Variants in DNER observed in about 807,000 individuals in gnomAD.
DNER encodes the protein delta and Notch-like epidermal growth factor-related receptor.
In DNER, 33 loss-of-function variants were observed where a neutral mutation model predicts 78.2. That is an observed-to-expected ratio of 0.42 (90% CI 0.32 to 0.56). The LOEUF is 0.56. Among genes scored for constraint, DNER ranks in the 20% least tolerant of loss-of-function variants. The pLI, the probability that DNER is intolerant of heterozygous loss-of-function variation, is 0.11. For synonymous variants in DNER, 417 were observed against 384.8 expected, an observed-to-expected ratio of 1.08 and a Z score of -0.98; for missense variants, 918 against 975.3, an observed-to-expected ratio of 0.94 and a Z score of 0.78.
chr2:229,630,232 T>C (rs1698410210), intron 1 of DNER, among the ~76,000 whole-genome samples: 1 of 152,044 alleles, frequency 6.6e-6, no homozygotes, highest in Non-Finnish European at 1.5e-5. Flanking sequence ...TCCCAGCACT[T>C]TGGGAGACTG....
chr2:229,641,258 G>C (rs1698618148), intron 1 of DNER, among the ~76,000 whole-genome samples: 1 of 152,128 alleles, frequency 6.6e-6, no homozygotes, highest in Non-Finnish European at 1.5e-5. Flanking sequence ...GCAGCTGAGG[G>C]GACACAGCCA....
At chr2:229,627,243 C>T (rs1410624579) in intron 1 of DNER, among the ~76,000 whole-genome samples, 1 of 152,172 alleles carries the variant, frequency 6.6e-6, no homozygotes, top group East Asian at 1.9e-4. Flanking sequence ...ACAATAAGCA[C>T]CTACAGATGC....
At chr2:229,467,123 G>C (rs80226693) in intron 7 of DNER, among the ~76,000 whole-genome samples, 4 of 152,128 alleles carry the variant, frequency 2.6e-5, no homozygotes, top group African/African-American at 7.2e-5. Context: ...GTCCTGGGTC[G>C]CAGCGGCCAA....
At chr2:229,449,432 C>T (rs1694406153) in intron 7 of DNER, among the ~76,000 whole-genome samples, 1 of 152,114 alleles carries the variant, frequency 6.6e-6, no homozygotes, top group South Asian at 2.1e-4. Context: ...TTGATTTCCT[C>T]GAGCATGACA....
At chr2:229,516,704 G>T (rs1695979269) in intron 5 of DNER, among the ~76,000 whole-genome samples, 1 of 150,172 alleles carries the variant, frequency 6.7e-6, no homozygotes, top group African/African-American at 2.5e-5. Context: ...ACGACTGCAT[G>T]ACCCCAGGAA....
intron 1 of DNER, among the ~76,000 whole-genome samples, chr2:229,600,269 T>C (rs77527469): frequency 0.031 from 4,664 of 152,310 alleles, 218 homozygotes; most frequent in African/African-American, 0.097. Flanking sequence ...GCTTTTGCAA[T>C]ACACCAGCAG....
At chr2:229,542,343 A>C (rs993323316) in intron 5 of DNER, among the ~76,000 whole-genome samples, 2 of 152,166 alleles carry the variant, frequency 1.3e-5, no homozygotes, top group African/African-American at 4.8e-5. Flanking sequence ...AACATTTATA[A>C]AGACCTTCCC....
intron 1 of DNER, 122 bp from the exon 2 acceptor site, chr2:229,592,010 A>C: frequency 8.0e-7 from 1 of 1,256,750 alleles, no homozygotes; most frequent in Non-Finnish European, 1.1e-6. Flanking sequence ...TGTGGAATAC[A>C]CTCCTTAACT....
At chr2:229,448,559 T>C (rs556140645) in intron 7 of DNER, among the ~76,000 whole-genome samples, 4 of 152,244 alleles carry the variant, frequency 2.6e-5, no homozygotes, top group Admixed American at 1.3e-4. Flanking sequence ...TATAAAATTA[T>C]GTAAGGCTGT....
rs148871889 is a variant in DNER, at chr2:229,502,845, G to A, written c.1147+9938C>T. ...AGGCAGGGCTGGTTTACCTGGTTTCGCAGCTGTGTGCTCACACTGCATATG... is the reference window on the plus strand; with the variant it reads ...AGGCAGGGCTGGTTTACCTGGTTTCACAGCTGTGTGCTCACACTGCATATG... On this transcript the variant is annotated intron_variant, in intron 6 of 12. Coordinates refer to ENST00000341772, the MANE Select transcript of DNER (RefSeq NM_139072.4). Among the ~76,000 whole-genome samples, 8 of 152,268 alleles carry A rather than the reference G, an allele frequency of 5.3e-5. No individual in the cohort carries two copies. The East Asian group carries it at 7.8e-4, about 15-fold the overall frequency.
intron 1 of DNER, among the ~76,000 whole-genome samples, chr2:229,685,472 G>A (rs1699469190): frequency 7.6e-6 from 1 of 131,630 alleles, no homozygotes; most frequent in African/African-American, 2.9e-5. Context: ...AAACTAAATG[G>A]AAAATGCATT....
chr2:229,554,582 C>T (rs1373208699), intron 4 of DNER, among the ~76,000 whole-genome samples: 1 of 152,140 alleles, frequency 6.6e-6, no homozygotes, highest in African/African-American at 2.4e-5. Context: ...ATTCCAGCTA[C>T]TTGGGAGGCA....
rs550761806 is a variant in DNER, at chr2:229,393,020, T to C, written c.1724-4624A>G. 2.0e-5 allele frequency among the ~76,000 whole-genome samples: 3 copies of C among 152,016 alleles called. No homozygotes were observed. In the South Asian group the frequency reaches 6.2e-4, roughly 32 times the overall value. The stretch of plus-strand genomic sequence containing the variant: ...GAGAGCTAGCAGACAAAAAATGTGT[T>C]CAAAATGTGAAATAAAATATAAAAA... On this transcript the variant is annotated intron_variant, in intron 10 of 12. Transcript: ENST00000341772.
In DNER at chr2:229,564,005, A is replaced by G. The variant is rs528078140; in HGVS notation, c.848-16913T>C. Among the ~76,000 whole-genome samples, 16 of 137,864 alleles carry G rather than the reference A, an allele frequency of 1.2e-4. No individual in the cohort carries two copies. The South Asian group carries it at 3.9e-3, about 34-fold the overall frequency. The allele number at this position is 137,864 out of a possible 152,430, so 90.4% of individuals were successfully genotyped here. A position where few individuals can be genotyped will look rare whatever the true frequency, so the allele number is the denominator to read the frequency against. On this transcript the variant is annotated intron_variant, in intron 4 of 12. Transcript: ENST00000341772. Reference sequence around the variant, plus strand: ...TCATCATCATCATCATCCTCACCCCATCACCATCATCATCATCCTCACCCC... The same window carrying G: ...TCATCATCATCATCATCCTCACCCCGTCACCATCATCATCATCCTCACCCC...
At chr2:229,367,970 A>C (rs767412593) in intron 11 of DNER, among the ~76,000 whole-genome samples, 5 of 152,254 alleles carry the variant, frequency 3.3e-5, no homozygotes, top group Non-Finnish European at 7.3e-5. Flanking sequence ...AAAAAGGCTC[A>C]GAAAATCACA....
chr2:229,501,413 A>C (rs1345467812), intron 6 of DNER, among the ~76,000 whole-genome samples: 1 of 151,876 alleles, frequency 6.6e-6, no homozygotes, highest in Non-Finnish European at 1.5e-5. Flanking sequence ...ATATTCATGC[A>C]TTCTAGATTA....
At chr2:229,544,132 C>T (rs1425512011) in intron 5 of DNER, among the ~76,000 whole-genome samples, 1 of 152,180 alleles carries the variant, frequency 6.6e-6, no homozygotes, top group African/African-American at 2.4e-5. Flanking sequence ...TATTTTACCC[C>T]TCCCTAGCCA....
intron 11 of DNER, among the ~76,000 whole-genome samples, chr2:229,377,228 G>T (rs1054910082): frequency 3.9e-5 from 6 of 152,144 alleles, no homozygotes; most frequent in East Asian, 1.9e-4. Flanking sequence ...TAGCCTATTT[G>T]CCTATTTCTC....
chr2:229,502,154 C>G (rs116456051), intron 6 of DNER, among the ~76,000 whole-genome samples: 1 of 152,080 alleles, frequency 6.6e-6, no homozygotes, highest in South Asian at 2.1e-4. Flanking sequence ...CCTGTCCTAT[C>G]GAAAGGAAAC....
Sources: allele counts gnomAD v4.1 joint callset (sites outside exome capture counted in the v4.1 genomes callset), GRCh38; gene constraint gnomAD v4.1.1; transcripts MANE v1.5; gene names NCBI Gene and HGNC (gene_info 2026-07-23, HGNC 2026-07-21).